PGM2: variants seen among roughly 807,000 people sequenced by gnomAD.
The protein encoded by PGM2 is phosphopentomutase.
Under a neutral mutation model 74.6 loss-of-function variants are expected in PGM2, and 57 were observed. The observed-to-expected ratio is 0.76, with a 90% CI of 0.62 to 0.95. PGM2 has a LOEUF of 0.95. Among genes scored for constraint, PGM2 ranks in the 40% least tolerant of loss-of-function variants. The probability of loss-of-function intolerance (pLI) is 0.00; values close to 1 mark genes in which losing one functional copy is unlikely to be tolerated. For missense variants in PGM2, 706 were observed against 741.9 expected, an observed-to-expected ratio of 0.95 and a Z score of 0.56; for synonymous variants, 273 against 260.7, an observed-to-expected ratio of 1.05 and a Z score of -0.46.
At position 37,845,668 on chromosome 4, in the gene PGM2, C is replaced by T. The variant is rs777867829; in HGVS notation, c.945C>T (p.Ala315=). The T allele has an allele frequency of 3.1e-6, 5 of 1,613,530 alleles. No homozygotes were observed. In the Admixed American group the frequency reaches 8.3e-5, roughly 27 times the overall value. Reference sequence around the variant, plus strand: ...TTGCTTTGGCTGACAAAACCAAGGCCAGAATTGTTTTAGCTAACGACCCGG... The same window carrying T: ...TTGCTTTGGCTGACAAAACCAAGGCTAGAATTGTTTTAGCTAACGACCCGG... ...LSFALADKTK[A]RIVLANDPDA... is the part of the protein sequence containing the mutation. Residue 315 remains alanine (A), a synonymous_variant, in exon 8 of 14, where the codon GCC becomes GCT. Transcript: ENST00000381967.
At chr4:37,842,549 C>CTTT (rs201968920) in intron 6 of PGM2, among the ~76,000 whole-genome samples, 1 of 66,768 alleles carries the variant, frequency 1.5e-5, no homozygotes. Flanking sequence ...AAGAATCTTT[C>CTTT]TTTTTTTTCT....
chr4:37,846,178 T>C (rs531783098), intron 8 of PGM2, among the ~76,000 whole-genome samples: 3 of 152,210 alleles, frequency 2.0e-5, no homozygotes, highest in South Asian at 4.2e-4. Context: ...ATCGGCACAG[T>C]GTTTAAGACA....
intron 6 of PGM2, among the ~76,000 whole-genome samples, chr4:37,840,528 G>A (rs920054499): frequency 1.3e-5 from 2 of 152,156 alleles, no homozygotes; most frequent in East Asian, 1.9e-4. Context: ...TATCACAGGC[G>A]TGAGCCACTG....
chr4:37,847,973 T>A (rs1252732152), intron 10 of PGM2, among the ~76,000 whole-genome samples: 2 of 152,268 alleles, frequency 1.3e-5, no homozygotes, highest in Admixed American at 6.5e-5. Flanking sequence ...TCGCTCAGGT[T>A]CTGCTCTTTT....
chr4:37,861,673 A>G lies in PGM2; in HGVS notation c.*61A>G. 1 of 1,093,866 alleles carries G rather than the reference A, an allele frequency of 9.1e-7. No individual in the cohort carries two copies. The highest frequency in any genetic ancestry group is 1.2e-5 in the South Asian group (1 of 80,222). The allele number at this position is 1,093,866 out of a possible 1,614,324, so 67.8% of individuals were successfully genotyped here. A position where few individuals can be genotyped will look rare whatever the true frequency, so the allele number is the denominator to read the frequency against. The stretch of plus-strand genomic sequence containing the variant: ...CAATTAAGCTGGGTTTAACTTGTTA[A>G]GCAATATTTTTAAGGGCCAAATGAT... On this transcript the variant is annotated 3_prime_UTR_variant, in exon 14 of 14. Coordinates refer to ENST00000381967, the MANE Select transcript of PGM2 (RefSeq NM_018290.4).
At chr4:37,847,484 C>T (rs1725909177) in intron 10 of PGM2, 189 bp downstream of exon 10, 3 of 549,790 alleles carry the variant, frequency 5.5e-6, no homozygotes, top group Non-Finnish European at 9.8e-6. Context: ...GTCTTAAAAA[C>T]AACTAAGTCA....
Position 37,850,352 on chromosome 4 carries a change from T to C in PGM2, c.1581T>C (p.Asp527=). 6.5e-7 allele frequency: 1 copy of C among 1,541,320 alleles called. No individual in the cohort carries two copies. The highest frequency in any genetic ancestry group is 8.7e-7 in the Non-Finnish European group (1 of 1,152,102). The change falls in exon 12 of 14, where the codon GAT becomes GAC. Residue 527 remains aspartate (D), a synonymous_variant. Coordinates refer to ENST00000381967, the MANE Select transcript of PGM2 (RefSeq NM_018290.4). ...AIRDLTTGYD[D]SQPDKKAVLP... ...GGGACCTTACAACTGGCTATGATGATAGCCAACCTGATAAAAAAGCTGTAA... is the reference window on the plus strand; with the variant it reads ...GGGACCTTACAACTGGCTATGATGACAGCCAACCTGATAAAAAAGCTGTAA...
At chr4:37,849,710 A>G (rs6531580) in intron 11 of PGM2, among the ~76,000 whole-genome samples, 12,465 of 151,108 alleles carry the variant, frequency 0.082, 965 homozygotes, top group East Asian at 0.19. Context: ...TGCCTGGCCT[A>G]GACCTCTGTT....
At chr4:37,846,399 C>G (rs555216645) in intron 8 of PGM2, among the ~76,000 whole-genome samples, 1 of 152,256 alleles carries the variant, frequency 6.6e-6, no homozygotes, top group African/African-American at 2.4e-5. Flanking sequence ...TAAGATGATA[C>G]GTCCTGATAG....
Position 37,844,487 on chromosome 4 carries a change from G to GA in PGM2, c.846dup (p.Asp283ArgfsTer5). 6.2e-7 allele frequency: 1 copy of GA among 1,613,936 alleles called. No individual in the cohort carries two copies. The highest frequency in any genetic ancestry group is 8.5e-7 in the Non-Finnish European group (1 of 1,179,804). The stretch of plus-strand genomic sequence containing the variant: ...TTCCTCCTGAGGCTGTTCCTGAACA[G>GA]AAAGATCCGGATCCTGAGTTTCCAA... On this transcript the variant is annotated frameshift_variant, in exon 7 of 14. Transcript: ENST00000381967. LOFTEE classifies it high-confidence loss of function.
intron 6 of PGM2, among the ~76,000 whole-genome samples, chr4:37,841,023 A>G (rs1725702060): frequency 7.0e-6 from 1 of 143,452 alleles, no homozygotes; most frequent in South Asian, 2.2e-4. Context: ...TGAATAGCAA[A>G]CACTGGTATT....
Position 37,826,795 on chromosome 4 carries a change from G to A in PGM2, c.63G>A (p.Gln21=). The A allele has an allele frequency of 6.5e-7, 1 of 1,548,556 alleles. No homozygotes were observed. Among genetic ancestry groups the A allele is most frequent in the Middle Eastern group, 1.7e-4 (1 of 5,892 alleles). The change falls in exon 1 of 14, where the codon CAG becomes CAA. Residue 21 remains glutamine (Q), a synonymous_variant. Coordinates refer to ENST00000381967, the MANE Select transcript of PGM2 (RefSeq NM_018290.4). ...EDARLDQETA[Q]WLRWDKNSLT... Reference sequence around the variant, plus strand: ...CCCGGCTGGACCAGGAGACCGCCCAGTGGCTGCGCTGGGACAAGGTGAGGG... The same window carrying A: ...CCCGGCTGGACCAGGAGACCGCCCAATGGCTGCGCTGGGACAAGGTGAGGG...
At position 37,834,599 on chromosome 4, in the gene PGM2, A is replaced by G. The variant is rs900470941; in HGVS notation, c.250-19A>G. On this transcript the variant is annotated intron_variant, in intron 2 of 13. Transcript: ENST00000381967. ...AAATATGTTAAAACATACTTTTTAAATCTATGGTGTATTTGTAGGGATTTT... is the reference window on the plus strand; with the variant it reads ...AAATATGTTAAAACATACTTTTTAAGTCTATGGTGTATTTGTAGGGATTTT... 6 of 1,169,398 alleles carry G rather than the reference A, an allele frequency of 5.1e-6. No individual in the cohort carries two copies. In the Middle Eastern group the frequency reaches 9.8e-4, roughly 192 times the overall value. The allele number at this position is 1,169,398 out of a possible 1,614,324, so 72.4% of individuals were successfully genotyped here.
rs924869783 is a variant in PGM2, at chr4:37,840,087, C to T, written c.547C>T (p.Gln183Ter). The T allele has an allele frequency of 6.2e-6, 10 of 1,613,670 alleles. No individual in the cohort carries two copies. The highest frequency in any genetic ancestry group is 8.5e-6 in the Non-Finnish European group (10 of 1,179,776). Residue 183 changes from glutamine (Q) to a stop codon, truncating the protein, a stop_gained, in exon 6 of 14, where the codon CAG becomes TAG. Coordinates refer to ENST00000381967, the MANE Select transcript of PGM2 (RefSeq NM_018290.4). LOFTEE classifies it high-confidence loss of function. The stretch of plus-strand genomic sequence containing the variant: ...CTAGGTCTATTGGGATAATGGAGCT[C>T]AGATCATTTCTCCTCACGATAAAGG... Reference protein sequence around the residue: ...GYKVYWDNGAQIISPHDKGIS... With the variant: ...GYKVYWDNGA
chr4:37,837,564 A>C lies in PGM2; in HGVS notation c.392A>C (p.Gln131Pro). 6.2e-7 allele frequency: 1 copy of C among 1,613,478 alleles called. No individual in the cohort carries two copies. Among genetic ancestry groups the C allele is most frequent in the East Asian group, 2.2e-5 (1 of 44,872 alleles). ...CTTGCTGCAACCACATTTATCAGTC[A>C]GGGGATTCCTGTGTACCTCTTTTCT... ...ARLAATTFIS[Q>P]GIPVYLFSDI... is the part of the protein sequence containing the mutation. The change falls in exon 4 of 14, where the codon CAG becomes CCG. Residue 131 changes from glutamine (Q) to proline (P), a missense_variant. Around this residue, in one of 3 missense-constraint regions of PGM2, gnomAD observed 332 missense variants for 334.9 expected, o/e 0.99. Transcript: ENST00000381967.
In PGM2 at chr4:37,861,675, C is replaced by A. The variant is rs1711780353; in HGVS notation, c.*63C>A. The A allele has an allele frequency of 2.8e-6, 3 of 1,069,834 alleles. No homozygotes were observed. Among genetic ancestry groups the A allele is most frequent in the Non-Finnish European group, 4.4e-6 (3 of 685,808 alleles). The allele number at this position is 1,069,834 out of a possible 1,614,324, so 66.3% of individuals were successfully genotyped here. A position where few individuals can be genotyped will look rare whatever the true frequency, so the allele number is the denominator to read the frequency against. On this transcript the variant is annotated 3_prime_UTR_variant, in exon 14 of 14. Transcript: ENST00000381967. ...ATTAAGCTGGGTTTAACTTGTTAAG[C>A]AATATTTTTAAGGGCCAAATGATTC...
chr4:37,839,646 T>TA, intron 4 of PGM2: 1 of 681,252 alleles, frequency 1.5e-6, no homozygotes, highest in Non-Finnish European at 2.7e-6. Context: ...TATTAGGAAA[T>TA]ACATCCTGGA....
chr4:37,834,630 T>TA lies in PGM2; in HGVS notation c.263dup (p.Tyr88Ter), dbSNP rs1202901101. 6.4e-7 allele frequency: 1 copy of TA among 1,559,950 alleles called. No individual in the cohort carries two copies. The highest frequency in any genetic ancestry group is 1.1e-5 in the South Asian group (1 of 88,852). ...IIQTTQGFCR[Y>*]LEKQFSDLKQ... ...GGTGTATTTGTAGGGATTTTGCAGA[T>TA]ACCTGGAAAAACAATTCAGTGACTT... Residue 88 changes from tyrosine to a stop codon, truncating the protein, a stop_gained and frameshift_variant, in exon 3 of 14, where the codon TAC becomes TAAC. Coordinates refer to ENST00000381967, the MANE Select transcript of PGM2 (RefSeq NM_018290.4). LOFTEE classifies it high-confidence loss of function.
chr4:37,841,732 G>C (rs1300043588), intron 6 of PGM2, among the ~76,000 whole-genome samples: 3 of 152,200 alleles, frequency 2.0e-5, no homozygotes, highest in African/African-American at 7.2e-5. Context: ...CTGCCCCTCT[G>C]ATTTAACTTC....
Sources: allele counts gnomAD v4.1 joint callset (sites outside exome capture counted in the v4.1 genomes callset), GRCh38; gene constraint gnomAD v4.1.1; regional missense constraint gnomAD v4.1.1; transcripts MANE v1.5; gene names NCBI Gene and HGNC (gene_info 2026-07-23, HGNC 2026-07-21).